The following P2RX5 variants were observed in gnomAD, a reference collection of about 807,000 sequenced individuals.
P2RX5 encodes purinergic receptor P2X 5.
P2RX5 carries 46 observed loss-of-function variants against 54.1 expected under a neutral mutation model. The ratio of observed to expected loss-of-function variants is 0.85; its 90% CI spans 0.67 to 1.09. P2RX5 has a LOEUF of 1.09. Ranked by LOEUF, P2RX5 falls within the 50% of genes least tolerant of loss-of-function variation. The pLI is 0.00. For synonymous variants in P2RX5, 226 were observed against 226.4 expected, an observed-to-expected ratio of 1.00 and a Z score of 0.02; for missense variants, 566 against 549.8, an observed-to-expected ratio of 1.03 and a Z score of -0.29.
rs1410609657 is a variant in P2RX5, at chr17:3,690,072, G to A, written c.612C>T (p.Ser204=). 1 of 1,613,938 alleles carries A rather than the reference G, an allele frequency of 6.2e-7. No homozygotes were observed. The highest frequency in any genetic ancestry group is 1.3e-5 in the African/African-American group (1 of 74,956). Residue 204 remains serine, a splice_region_variant and synonymous_variant, in exon 6 of 12, where the codon TCC becomes TCT. Coordinates refer to ENST00000225328, the MANE Select transcript of P2RX5 (RefSeq NM_002561.4). ...CCCCAGTAGCCAAGCCCACGTACTTGGAGAAGTTGAATTTGGGGAAACGGA... is the reference window on the plus strand; with the variant it reads ...CCCCAGTAGCCAAGCCCACGTACTTAGAGAAGTTGAATTTGGGGAAACGGA... ...NHIRFPKFNF[S]KSNVMDVKDR... is the part of the protein sequence containing the mutation.
At chr17:3,705,059 A>G in the P2RX5 span, among the ~76,000 whole-genome samples, 33 of 152,320 alleles carry the variant, frequency 2.2e-4, no homozygotes, top group African/African-American at 7.2e-4. Context: ...TCCACAAAGC[A>G]GTGACAAGTC....
the P2RX5 span, among the ~76,000 whole-genome samples, chr17:3,713,206 A>T: frequency 6.6e-6 from 1 of 151,606 alleles, no homozygotes; most frequent in Non-Finnish European, 1.5e-5. Flanking sequence ...AAGAAAAATT[A>T]AAAAATGAGC....
the P2RX5 span, among the ~76,000 whole-genome samples, chr17:3,701,764 T>TG: frequency 6.9e-5 from 8 of 115,582 alleles, no homozygotes; most frequent in Admixed American, 4.1e-4. Flanking sequence ...TTTTTTTGTT[T>TG]TTTTTTTTTA....
At chr17:3,688,514 C>A (rs749467081) in intron 8 of P2RX5, 112 bp downstream of exon 8, 345 of 1,186,276 alleles carry the variant, frequency 2.9e-4, no homozygotes, top group Non-Finnish European at 4.2e-4. Context: ...TGTCCCTGCA[C>A]CTCCCGCTCT....
chr17:3,698,022 G>A (rs535222873), upstream of P2RX5, among the ~76,000 whole-genome samples: 25 of 152,054 alleles, frequency 1.6e-4, no homozygotes, highest in East Asian at 4.8e-3. Flanking sequence ...ATTATTGAAT[G>A]AGTGGACAAA....
At chr17:3,683,214 G>A (rs2050335224) in intron 9 of P2RX5, among the ~76,000 whole-genome samples, 1 of 152,152 alleles carries the variant, frequency 6.6e-6, no homozygotes, top group African/African-American at 2.4e-5. Context: ...ATAGAGGAGA[G>A]TGGAGGTGGG....
At chr17:3,722,778 C>T in the P2RX5 span, among the ~76,000 whole-genome samples, 2 of 152,300 alleles carry the variant, frequency 1.3e-5, no homozygotes, top group South Asian at 4.1e-4. Flanking sequence ...TCTAAGTGTG[C>T]TCAAGCATCA....
chr17:3,710,217 G>A, the P2RX5 span, among the ~76,000 whole-genome samples: 1 of 151,796 alleles, frequency 6.6e-6, no homozygotes, highest in Non-Finnish European at 1.5e-5. Context: ...ACTTGAAGTC[G>A]GGAGTTCAAG....
chr17:3,696,243 A>C, upstream of P2RX5: 1 of 307,472 alleles, frequency 3.3e-6, no homozygotes, highest in African/African-American at 2.2e-5. Context: ...GGAACCTCAG[A>C]CCGCGACCTT....
At chr17:3,700,787 G>C (rs574956385), upstream of P2RX5, among the ~76,000 whole-genome samples, 1 of 152,082 alleles carries the variant, frequency 6.6e-6, no homozygotes, top group Non-Finnish European at 1.5e-5. Flanking sequence ...TAGTTCACGC[G>C]AGAGCTAGTT....
intron 9 of P2RX5, among the ~76,000 whole-genome samples, chr17:3,685,337 G>A (rs2050411731): frequency 6.6e-6 from 1 of 152,214 alleles, no homozygotes; most frequent in South Asian, 2.1e-4. Context: ...CCTGAGGACA[G>A]CTGGCAGAGC....
Position 3,696,069 on chromosome 17 carries a change from C to T in P2RX5, c.-64G>A. On this transcript the variant is annotated 5_prime_UTR_variant, in exon 1 of 12. Transcript: ENST00000225328. ...CGTGCGCTCATGGGGAGCACTCGGT[C>T]CCTCGGTCCCTGCGCGCCCGGCGCC... is the stretch of plus-strand genomic sequence containing the variant. 7 of 1,567,302 alleles carry T rather than the reference C, an allele frequency of 4.5e-6. No homozygotes were observed. In the South Asian group the frequency reaches 6.9e-5, roughly 15 times the overall value.
In P2RX5 at chr17:3,692,945, A is replaced by T. The variant is rs939705228; in HGVS notation, c.138-1151T>A. On this transcript the variant is annotated intron_variant, in intron 1 of 11. Coordinates refer to ENST00000225328, the MANE Select transcript of P2RX5 (RefSeq NM_002561.4). ...GACTTCATAAAAATTTAAAATGTTC[A>T]TGCATCAAAAGACACTCTCAAGAAA... is the stretch of plus-strand genomic sequence containing the variant. Among the ~76,000 whole-genome samples the T allele has an allele frequency of 2.4e-4, 36 of 152,320 alleles. 1 individual carries two copies. Among genetic ancestry groups the T allele is most frequent in the Admixed American group, 2.3e-3 (35 of 15,300 alleles).
At chr17:3,675,558 C>CTTT in intron 11 of P2RX5, 5 of 803,494 alleles carry the variant, frequency 6.2e-6, no homozygotes, top group Non-Finnish European at 7.5e-6. Context: ...TCTTCACTTT[C>CTTT]TTTTTTTTTT....
At chr17:3,711,243 A>G in the P2RX5 span, among the ~76,000 whole-genome samples, 1 of 152,168 alleles carries the variant, frequency 6.6e-6, no homozygotes, top group African/African-American at 2.4e-5. Context: ...TCATGATACC[A>G]TCTGAACTTT....
the P2RX5 span, among the ~76,000 whole-genome samples, chr17:3,705,721 A>C: frequency 4.5e-4 from 69 of 152,292 alleles, no homozygotes; most frequent in African/African-American, 2.4e-5. Flanking sequence ...CTAATCACCC[A>C]TTAGCCTGTA....
At chr17:3,682,298 G>A in intron 9 of P2RX5, 2 of 401,576 alleles carry the variant, frequency 5.0e-6, no homozygotes, top group South Asian at 4.2e-5. Flanking sequence ...CTGCACCGAA[G>A]TACGGAGAGG....
At chr17:3,698,734 A>G (rs1285813667), upstream of P2RX5, among the ~76,000 whole-genome samples, 10 of 152,032 alleles carry the variant, frequency 6.6e-5, no homozygotes, top group Admixed American at 6.6e-4. Flanking sequence ...CCAGGCTGCA[A>G]CTTCTGACGG....
At chr17:3,701,744 C>G in the P2RX5 span, among the ~76,000 whole-genome samples, 33 of 128,358 alleles carry the variant, frequency 2.6e-4, no homozygotes, top group African/African-American at 8.3e-4. Flanking sequence ...GACATTTTCT[C>G]TGTTTTTTTT....
Sources: allele counts gnomAD v4.1 joint callset (sites outside exome capture counted in the v4.1 genomes callset), GRCh38; gene constraint gnomAD v4.1.1; transcripts MANE v1.5; gene names NCBI Gene and HGNC (gene_info 2026-07-23, HGNC 2026-07-21).